Variants in ATP2B2 observed in about 807,000 individuals in gnomAD.
ATP2B2 encodes plasma membrane calcium-transporting ATPase 2.
Under a neutral mutation model 120.0 loss-of-function variants are expected in ATP2B2, and 15 were observed. The observed-to-expected ratio is 0.12, with a 90% confidence interval of 0.08 to 0.19. The LOEUF (loss-of-function observed/expected upper bound fraction) is 0.19. ATP2B2 is among the 10% of genes least tolerant of loss of function. ATP2B2 has a pLI of 1.00. For synonymous variants in ATP2B2, 694 were observed against 700.3 expected (o/e 0.99, Z 0.14); for missense variants, 1,045 against 1,719.8 (o/e 0.61, Z 6.94).
chr3:10,522,507 C>G (rs2067005595), intron 3 of ATP2B2, among the ~76,000 whole-genome samples: 1 of 152,222 alleles, frequency 6.6e-6, no homozygotes, highest in African/African-American at 2.4e-5. Context: ...GTGTGCATAG[C>G]TTCTGCTGAA....
intron 1 of ATP2B2, among the ~76,000 whole-genome samples, chr3:10,452,319 C>A (rs945895484): frequency 1.3e-5 from 2 of 152,174 alleles, no homozygotes; most frequent in African/African-American, 4.8e-5. Context: ...TGCTCTCCTC[C>A]CCCTGCTACA....
chr3:10,523,724 G>A (rs1332179975), intron 3 of ATP2B2, among the ~76,000 whole-genome samples: 2 of 152,076 alleles, frequency 1.3e-5, no homozygotes, highest in Admixed American at 6.5e-5. Flanking sequence ...TTGATTATTC[G>A]GGGATCCTGG....
chr3:10,496,883 C>G (rs148566711), intron 1 of ATP2B2, among the ~76,000 whole-genome samples: 40 of 152,358 alleles, frequency 2.6e-4, no homozygotes, highest in African/African-American at 8.2e-4. Context: ...TGTCCTCCCC[C>G]CAACTCCAAT....
rs76185269 is a variant in ATP2B2 at position 10,390,459 on chromosome 3, T to G, written c.782-2057A>C. ...TAGGATCTGAGTGATATCCCGATGT[T>G]GTGTGTGTGTGTGCCTGTGTGTGTG... On this transcript the variant is annotated intron_variant, in intron 5 of 22. Transcript: ENST00000360273. Among the ~76,000 whole-genome samples, 295 of 136,052 alleles carry G rather than the reference T, an allele frequency of 2.2e-3. 2 individuals carry two copies. Among genetic ancestry groups the G allele is most frequent in the South Asian group, 0.018 (59 of 3,336 alleles). The allele number at this position is 136,052 out of a possible 152,430, so 89.3% of individuals were successfully genotyped here.
intron 12 of ATP2B2, among the ~76,000 whole-genome samples, chr3:10,361,530 G>A (rs1011947870): frequency 4.6e-5 from 7 of 152,178 alleles, no homozygotes; most frequent in African/African-American, 1.4e-4. Context: ...GCCCGCCGCA[G>A]GGCCGTGTGA....
intron 2 of ATP2B2, among the ~76,000 whole-genome samples, chr3:10,420,087 C>T (rs1034439772): frequency 5.9e-5 from 9 of 152,144 alleles, no homozygotes; most frequent in Admixed American, 4.6e-4. Context: ...CATGCGTGCC[C>T]GAGGATGTGG....
At chr3:10,413,914 G>C (rs1437685871) in intron 2 of ATP2B2, among the ~76,000 whole-genome samples, 1 of 152,208 alleles carries the variant, frequency 6.6e-6, no homozygotes, top group Admixed American at 6.5e-5. Flanking sequence ...GCCTCTGAGG[G>C]AGGGGCTATG....
intron 2 of ATP2B2, among the ~76,000 whole-genome samples, chr3:10,412,132 C>G (rs988824927): frequency 1.3e-5 from 2 of 152,252 alleles, no homozygotes; most frequent in Non-Finnish European, 2.9e-5. Flanking sequence ...CTTTGCCTTC[C>G]TCCTGCCACA....
chr3:10,500,230 G>A (rs1206851389), intron 1 of ATP2B2, among the ~76,000 whole-genome samples: 5 of 151,746 alleles, frequency 3.3e-5, no homozygotes, highest in South Asian at 2.1e-4. Context: ...GAGCCACTGC[G>A]CCTGGCCTGA....
intron 2 of ATP2B2, among the ~76,000 whole-genome samples, chr3:10,539,184 C>T (rs1205172079): frequency 6.6e-6 from 1 of 152,182 alleles, no homozygotes; most frequent in Non-Finnish European, 1.5e-5. Flanking sequence ...AGGACCTCTT[C>T]AAGGAGAACT....
chr3:10,426,192 A>G (rs1322864967), intron 2 of ATP2B2, among the ~76,000 whole-genome samples: 2 of 151,838 alleles, frequency 1.3e-5, no homozygotes, highest in Non-Finnish European at 2.9e-5. Flanking sequence ...GATAGGTTAC[A>G]CCCCCTTCGG....
chr3:10,576,947 G>C (rs552093943), intron 2 of ATP2B2, among the ~76,000 whole-genome samples: 2 of 151,396 alleles, frequency 1.3e-5, no homozygotes, highest in African/African-American at 2.4e-5. Context: ...CCAGCTACTC[G>C]GGAGGCTGAG....
At chr3:10,591,730 G>A (rs1331965293) in intron 2 of ATP2B2, among the ~76,000 whole-genome samples, 1 of 152,228 alleles carries the variant, frequency 6.6e-6, no homozygotes, top group African/African-American at 2.4e-5. Flanking sequence ...GATGGTTCAA[G>A]TTTGGAAAGC....
chr3:10,473,363 G>A (rs1185881489), intron 1 of ATP2B2, among the ~76,000 whole-genome samples: 3 of 152,220 alleles, frequency 2.0e-5, no homozygotes, highest in African/African-American at 2.4e-5. Context: ...CAGGTGTGGC[G>A]GCTCATGCCT....
intron 2 of ATP2B2, among the ~76,000 whole-genome samples, chr3:10,547,811 G>A (rs2067584689): frequency 6.6e-6 from 1 of 152,208 alleles, no homozygotes; most frequent in Admixed American, 6.5e-5. Flanking sequence ...TGCCAAAGTG[G>A]AAGGGAATCT....
intron 1 of ATP2B2, among the ~76,000 whole-genome samples, chr3:10,695,638 C>T (rs1471420765): frequency 6.6e-6 from 1 of 152,158 alleles, no homozygotes; most frequent in Non-Finnish European, 1.5e-5. Flanking sequence ...GCCAGCCAAC[C>T]CCTAACCAAG....
chr3:10,535,077 T>A (rs1250256950), intron 2 of ATP2B2, among the ~76,000 whole-genome samples: 1 of 151,868 alleles, frequency 6.6e-6, no homozygotes, highest in Non-Finnish European at 1.5e-5. Context: ...CTAACTTTTT[T>A]GTATTTTAGT....
intron 17 of ATP2B2, 59 bp downstream of exon 17, chr3:10,345,972 T>A: frequency 6.6e-7 from 1 of 1,509,874 alleles, no homozygotes; most frequent in Middle Eastern, 1.7e-4. Context: ...CAGCCCAAGG[T>A]TGTGTAGTCC....
At chr3:10,458,801 C>T (rs544042386) in intron 1 of ATP2B2, among the ~76,000 whole-genome samples, 37 of 152,352 alleles carry the variant, frequency 2.4e-4, no homozygotes, top group African/African-American at 7.9e-4. Context: ...ACAATCGCCA[C>T]GGCCATATGG....
Sources: allele counts gnomAD v4.1 joint callset (sites outside exome capture counted in the v4.1 genomes callset), GRCh38; gene constraint gnomAD v4.1.1; transcripts MANE v1.5; gene names NCBI Gene and HGNC (gene_info 2026-07-23, HGNC 2026-07-21).